The following ZNF334 variants were observed in gnomAD, a reference collection of about 807,000 sequenced individuals.
ZNF334 encodes zinc finger protein 334.
ZNF334 carries 14 observed loss-of-function variants against 12.4 expected under a neutral mutation model. That is an observed-to-expected ratio of 1.13 (90% confidence interval 0.74 to 1.76). ZNF334 has a LOEUF of 1.76. Among genes scored for constraint, ZNF334 ranks in the 40% most tolerant of loss-of-function variants. The pLI is 0.00. For synonymous variants in ZNF334, 273 were observed against 269.6 expected, an observed-to-expected ratio of 1.01 and a Z score of -0.12; for missense variants, 797 against 804.5, an observed-to-expected ratio of 0.99 and a Z score of 0.11.
At position 46,512,699 on chromosome 20, in the gene ZNF334, T is replaced by G. The variant is rs2146026100; in HGVS notation, c.-198A>C. On this transcript the variant is annotated 5_prime_UTR_variant, in exon 1 of 5. Coordinates refer to ENST00000692313, the MANE Select transcript of ZNF334 (RefSeq NM_001353824.2). ...AAGAAACTTCTTGTGGTAGGTAACG[T>G]AAATGTGGTAGATGACAAAAGCCCT... The G allele has an allele frequency of 6.6e-6, 1 of 152,420 alleles. No homozygotes were observed. Among genetic ancestry groups the G allele is most frequent in the Non-Finnish European group, 1.5e-5 (1 of 68,088 alleles). 9.4% of individuals were successfully genotyped at this position (152,420 alleles called of 1,614,324 possible). A position where few individuals can be genotyped will look rare whatever the true frequency, so the allele number is the denominator to read the frequency against.
chr20:46,509,582 G>C, intron 2 of ZNF334: 1 of 702,928 alleles, frequency 1.4e-6, no homozygotes. Context: ...AATAGAGAAA[G>C]GATGGGGAAT....
At chr20:46,495,113 A>G (rs2060999762), downstream of ZNF334, among the ~76,000 whole-genome samples, 1 of 152,164 alleles carries the variant, frequency 6.6e-6, no homozygotes, top group African/African-American at 2.4e-5. Context: ...GAAGTTAAAT[A>G]CTTCAATTTA....
At chr20:46,496,435 G>A (rs554662367), downstream of ZNF334, among the ~76,000 whole-genome samples, 323 of 152,324 alleles carry the variant, frequency 2.1e-3, 3 homozygotes, top group South Asian at 0.012. Flanking sequence ...AAAATTGAAT[G>A]AAGAGACTCT....
Position 46,501,774 on chromosome 20 carries a change from T to C in ZNF334, c.1565A>G (p.His522Arg), listed in dbSNP as rs367802990. The change falls in exon 5 of 5, where the codon CAT (histidine) becomes CGT (arginine). Residue 522 changes from histidine (H) to arginine (R), a missense_variant. Coordinates refer to ENST00000692313, the MANE Select transcript of ZNF334 (RefSeq NM_001353824.2). ...TKENLYECSE[H>R]GHAVSKNSHL... Reference sequence around the variant, plus strand: ...TGAGTTTTTGCTGACGGCATGCCCATGTTCACTACACTCATAAAGATTCTC... The same window carrying C: ...TGAGTTTTTGCTGACGGCATGCCCACGTTCACTACACTCATAAAGATTCTC... 6 of 1,614,064 alleles carry C rather than the reference T, an allele frequency of 3.7e-6. No individual in the cohort carries two copies. The African/African-American group carries it at 6.7e-5, about 18-fold the overall frequency.
rs1298714187 is a variant in ZNF334, at chr20:46,502,378, A to C, written c.961T>G (p.Tyr321Asp). 1 of 1,614,104 alleles carries C rather than the reference A, an allele frequency of 6.2e-7. No homozygotes were observed. The highest frequency in any genetic ancestry group is 8.5e-7 in the Non-Finnish European group (1 of 1,180,014). ...HQKIHGGEKS[Y>D]ECNECGKTFF... is the part of the protein sequence containing the mutation. Reference sequence around the variant, plus strand: ...GTCTTTCCACATTCATTACACTCATAGGATTTCTCCCCTCCATGAATTTTC... The same window carrying C: ...GTCTTTCCACATTCATTACACTCATCGGATTTCTCCCCTCCATGAATTTTC... The change falls in exon 5 of 5, where the codon TAT becomes GAT. Residue 321 changes from tyrosine (Y) to aspartate (D), a missense_variant. Physicochemically the swap from Tyr to Asp is radical, Grantham distance 160. Coordinates refer to ENST00000692313, the MANE Select transcript of ZNF334 (RefSeq NM_001353824.2).
Position 46,502,757 on chromosome 20 carries a change from T to A in ZNF334, c.582A>T (p.Glu194Asp). Residue 194 changes from glutamate to aspartate, a missense_variant, in exon 5 of 5, where the codon GAA (glutamate) becomes GAT (aspartate). By Grantham distance (45) the Glu-to-Asp change is conservative (BLOSUM62 2). Coordinates refer to ENST00000692313, the MANE Select transcript of ZNF334 (RefSeq NM_001353824.2). The part of the protein sequence containing the change: ...NPMRKASNQN[E>D]NLILHQNIQI... ...GAATGTTCTGGTGCAGAATAAGATT[T>A]TCGTTTTGATTGCTGGCTTTCCTCA... is the stretch of plus-strand genomic sequence containing the variant. The A allele has an allele frequency of 1.9e-6, 3 of 1,613,876 alleles. No homozygotes were observed. In the South Asian group the frequency reaches 3.3e-5, roughly 18 times the overall value.
chr20:46,474,639 G>T, the ZNF334 span: 8 of 150,388 alleles, frequency 5.3e-5, no homozygotes, highest in Non-Finnish European at 8.8e-5. Context: ...AAGATGCCTT[G>T]AAGTCTTTTT....
At chr20:46,494,099 T>C in the ZNF334 span, among the ~76,000 whole-genome samples, 11 of 152,362 alleles carry the variant, frequency 7.2e-5, no homozygotes, top group Admixed American at 7.2e-4. Flanking sequence ...TATTTGAAAT[T>C]GATTTCTTGT....
At position 46,501,686 on chromosome 20, in the gene ZNF334, T is replaced by A; in HGVS notation, c.1653A>T (p.Arg551Ser). 1 of 1,614,074 alleles carries A rather than the reference T, an allele frequency of 6.2e-7. No individual in the cohort carries two copies. Among genetic ancestry groups the A allele is most frequent in the Non-Finnish European group, 8.5e-7 (1 of 1,179,968 alleles). ...ERPYECNECG[R>S]TYCRKSALTH... ...TCAGGGCTGACTTCCTGCAGTAGGT[T>A]CTCCCACATTCATTGCATTCATATG... Residue 551 changes from arginine (R) to serine (S), a missense_variant, in exon 5 of 5, where the codon AGA (arginine) becomes AGT (serine). Transcript: ENST00000692313.
chr20:46,496,321 C>T (rs118008425), downstream of ZNF334, among the ~76,000 whole-genome samples: 1,390 of 152,330 alleles, frequency 9.1e-3, 12 homozygotes, highest in Non-Finnish European at 0.014. Context: ...TTCCACTCCC[C>T]AGAATCTCAT....
chr20:46,483,181 T>C, the ZNF334 span, among the ~76,000 whole-genome samples: 2 of 152,212 alleles, frequency 1.3e-5, no homozygotes, highest in African/African-American at 4.8e-5. Context: ...GCTGCTAATA[T>C]AATGCGCATT....
chr20:46,509,072 T>C (rs1227018226), intron 2 of ZNF334, among the ~76,000 whole-genome samples: 2 of 152,232 alleles, frequency 1.3e-5, no homozygotes, highest in Admixed American at 6.5e-5. Flanking sequence ...ATCACGTTCA[T>C]AGAAATTTAA....
At chr20:46,466,676 G>T in the ZNF334 span, among the ~76,000 whole-genome samples, 1 of 151,998 alleles carries the variant, frequency 6.6e-6, no homozygotes, top group African/African-American at 2.4e-5. Flanking sequence ...TAGAAACGGG[G>T]TTTTGCCATT....
the ZNF334 span, among the ~76,000 whole-genome samples, chr20:46,471,058 A>T: frequency 6.6e-6 from 1 of 152,318 alleles, no homozygotes; most frequent in East Asian, 1.9e-4. Flanking sequence ...AATTGTAAAA[A>T]TACACTCTTC....
chr20:46,476,632 T>G, the ZNF334 span, among the ~76,000 whole-genome samples: 1 of 152,250 alleles, frequency 6.6e-6, no homozygotes, highest in Non-Finnish European at 1.5e-5. Flanking sequence ...CTTTTTTATA[T>G]GTGCAGTCTC....
rs768671268 is a variant in ZNF334 at position 46,501,320 on chromosome 20, T to C, written c.2019A>G (p.Leu673=). The C allele has an allele frequency of 6.2e-7, 1 of 1,610,914 alleles. No homozygotes were observed. The highest frequency in any genetic ancestry group is 2.2e-5 in the East Asian group (1 of 44,844). Residue 673 remains leucine, a synonymous_variant, in exon 5 of 5, where the codon TTA becomes TTG. Coordinates refer to ENST00000692313, the MANE Select transcript of ZNF334 (RefSeq NM_001353824.2). ...KTFRHKSNFL[L]HQKSHKE is the part of the protein sequence containing the mutation. ...CTTATTCCTTGTGGGATTTCTGATG[T>C]AAAAGAAAGTTTGATTTGTGGCGAA...
At chr20:46,504,327 A>G in intron 3 of ZNF334, 21 bp from the exon 4 acceptor site, 1 of 1,596,444 alleles carries the variant, frequency 6.3e-7, no homozygotes, top group African/African-American at 1.3e-5. Flanking sequence ...GAAATTACAG[A>G]ACTTGGACCA....
At chr20:46,472,846 G>A in the ZNF334 span, among the ~76,000 whole-genome samples, 1 of 152,172 alleles carries the variant, frequency 6.6e-6, no homozygotes, top group Non-Finnish European at 1.5e-5. Flanking sequence ...GAGAGACGAC[G>A]GTGGCTTGGA....
chr20:46,483,881 G>A, the ZNF334 span, among the ~76,000 whole-genome samples: 1 of 152,230 alleles, frequency 6.6e-6, no homozygotes, highest in East Asian at 1.9e-4. Context: ...AATCTTAATG[G>A]ATTTTTTAAA....
Sources: gnomAD v4.1 joint callset for allele counts (sites outside exome capture counted in the v4.1 genomes callset) on GRCh38, gnomAD v4.1.1 for gene constraint, MANE v1.5 for transcripts, NCBI Gene and HGNC (gene_info 2026-07-23, HGNC 2026-07-21) for gene names.